Variants in CNOT2 observed in about 807,000 individuals in gnomAD.
The protein encoded by CNOT2 is CC chemokine receptor 4-negative regulator of transcription 2.
Under a neutral mutation model 72.1 loss-of-function variants are expected in CNOT2, and 7 were observed. That is an observed-to-expected ratio of 0.10 (90% CI 0.06 to 0.18). The LOEUF is 0.18. CNOT2 is among the 10% of genes least tolerant of loss of function. The pLI is 1.00. For missense variants in CNOT2, 345 were observed against 660.3 expected, an observed-to-expected ratio of 0.52 and a Z score of 5.23; for synonymous variants, 196 against 225.6, an observed-to-expected ratio of 0.87 and a Z score of 1.17.
intron 1 of CNOT2, among the ~76,000 whole-genome samples, chr12:70,251,075 C>A (rs1008942342): frequency 6.6e-6 from 1 of 152,086 alleles, no homozygotes; most frequent in East Asian, 1.9e-4. Context: ...TTCCTTAATT[C>A]ATGTGTTTAT....
At chr12:70,262,483 G>A (rs1381189116) in intron 1 of CNOT2, among the ~76,000 whole-genome samples, 1 of 152,102 alleles carries the variant, frequency 6.6e-6, no homozygotes, top group Non-Finnish European at 1.5e-5. Context: ...CACCGTGTTA[G>A]CCACGATGGT....
At chr12:70,308,584 T>TCACACACACA (rs58837695) in intron 2 of CNOT2, among the ~76,000 whole-genome samples, 9 of 133,328 alleles carry the variant, frequency 6.8e-5, no homozygotes, top group East Asian at 6.4e-4. Context: ...TCTCTCTCTC[T>TCACACACACA]CACACACACA....
intron 15 of CNOT2, among the ~76,000 whole-genome samples, chr12:70,349,715 A>T (rs1308244485): frequency 2.6e-5 from 4 of 152,158 alleles, no homozygotes; most frequent in Non-Finnish European, 4.4e-5. Context: ...AAATGTTGAC[A>T]TTGGTTGGGC....
intron 14 of CNOT2, 118 bp downstream of exon 14, chr12:70,344,346 T>C (rs1881894969): frequency 1.6e-6 from 1 of 631,608 alleles, no homozygotes; most frequent in East Asian, 2.8e-5. Context: ...AAGAAATTTA[T>C]TTTTACATTA....
At chr12:70,289,459 T>C in intron 2 of CNOT2, among the ~76,000 whole-genome samples, 1 of 152,100 alleles carries the variant, frequency 6.6e-6, no homozygotes, top group South Asian at 2.1e-4. Flanking sequence ...ACGTGGGATT[T>C]GTTGAGCTTC....
chr12:70,324,914 T>G (rs1404125), intron 4 of CNOT2, among the ~76,000 whole-genome samples: 74 of 151,710 alleles, frequency 4.9e-4, no homozygotes, highest in Admixed American at 3.1e-3. Context: ...GAGTCTCATA[T>G]GTTATTTAAT....
intron 8 of CNOT2, 45 bp downstream of exon 8, chr12:70,335,608 A>G (rs745947810): frequency 1.4e-6 from 2 of 1,459,662 alleles, no homozygotes; most frequent in East Asian, 2.3e-5. Flanking sequence ...TTTCCATTGT[A>G]TGTGCACACA....
intron 11 of CNOT2, among the ~76,000 whole-genome samples, chr12:70,340,301 T>C (rs2082345171): frequency 6.6e-6 from 1 of 152,202 alleles, no homozygotes; most frequent in African/African-American, 2.4e-5. Context: ...TTACCTCATC[T>C]TCACTGGTTG....
chr12:70,257,201 G>A (rs1209322451), intron 1 of CNOT2, among the ~76,000 whole-genome samples: 2 of 152,062 alleles, frequency 1.3e-5, no homozygotes, highest in Non-Finnish European at 2.9e-5. Flanking sequence ...TCCTTAGTGA[G>A]ATTACTTTTC....
At chr12:70,253,819 C>A (rs1394425364) in intron 1 of CNOT2, among the ~76,000 whole-genome samples, 3 of 152,010 alleles carry the variant, frequency 2.0e-5, no homozygotes, top group African/African-American at 7.3e-5. Context: ...GTTCTGAGAC[C>A]CCAGTGGATG....
intron 2 of CNOT2, among the ~76,000 whole-genome samples, chr12:70,299,072 T>G (rs1873347756): frequency 1.3e-5 from 2 of 151,926 alleles, no homozygotes; most frequent in South Asian, 4.2e-4. Flanking sequence ...GAAAGAGGTT[T>G]AATTGACTCA....
chr12:70,250,632 AAAGATT>A (rs1486141988), intron 1 of CNOT2, among the ~76,000 whole-genome samples: 1 of 152,128 alleles, frequency 6.6e-6, no homozygotes, highest in Non-Finnish European at 1.5e-5. Flanking sequence ...GAAATGGAAA[AAAGATT>A]AAGTAGGGTG....
At chr12:70,329,625 A>G in intron 5 of CNOT2, 55 bp downstream of exon 5, 2 of 1,340,772 alleles carry the variant, frequency 1.5e-6, no homozygotes, top group Non-Finnish European at 2.1e-6. Context: ...AGAGTAAACA[A>G]ACTTTTAGTT....
chr12:70,257,959 T>C (rs1376502286), intron 1 of CNOT2, among the ~76,000 whole-genome samples: 2 of 152,234 alleles, frequency 1.3e-5, no homozygotes, highest in Non-Finnish European at 1.5e-5. Flanking sequence ...CTTTTTAATT[T>C]ACTGTCACTG....
chr12:70,251,606 C>T (rs1484608242), intron 1 of CNOT2, among the ~76,000 whole-genome samples: 1 of 152,084 alleles, frequency 6.6e-6, no homozygotes, highest in African/African-American at 2.4e-5. Flanking sequence ...GTTTAGATTC[C>T]ACAGTCGATT....
At chr12:70,275,266 T>C (rs981497231) in intron 1 of CNOT2, among the ~76,000 whole-genome samples, 1 of 152,118 alleles carries the variant, frequency 6.6e-6, no homozygotes. Context: ...TGTATTTTTT[T>C]CCCCTGCTTT....
At chr12:70,280,107 A>G (rs1869566711) in intron 2 of CNOT2, among the ~76,000 whole-genome samples, 1 of 152,198 alleles carries the variant, frequency 6.6e-6, no homozygotes, top group Admixed American at 6.5e-5. Flanking sequence ...CTAAAGTAAC[A>G]TTTATATTTG....
At chr12:70,245,971 A>G (rs969742196) in intron 1 of CNOT2, among the ~76,000 whole-genome samples, 1 of 152,168 alleles carries the variant, frequency 6.6e-6, no homozygotes, top group African/African-American at 2.4e-5. Flanking sequence ...CCTTTAGTAG[A>G]TACTGGTGTT....
intron 13 of CNOT2, chr12:70,343,833 G>A (rs1177405734): frequency 1.6e-5 from 4 of 249,328 alleles, no homozygotes; most frequent in Non-Finnish European, 3.0e-5. Flanking sequence ...TTCCCCATTG[G>A]GTATTAAATC....
Sources: allele counts gnomAD v4.1 joint callset (sites outside exome capture counted in the v4.1 genomes callset), GRCh38; gene constraint gnomAD v4.1.1; transcripts MANE v1.5; gene names NCBI Gene and HGNC (gene_info 2026-07-23, HGNC 2026-07-21).